The following VSX2 variants were observed in gnomAD, a reference collection of about 807,000 sequenced individuals.
VSX2 encodes visual system homeobox 2.
In VSX2, 28 loss-of-function variants were observed where a neutral mutation model predicts 32.1. That is an observed-to-expected ratio of 0.87 (90% CI 0.65 to 1.20). The LOEUF (loss-of-function observed/expected upper bound fraction) is 1.20. Among genes scored for constraint, VSX2 ranks in the 50% most tolerant of loss-of-function variants. The pLI is 0.00. For missense variants in VSX2, 506 were observed against 488.7 expected, an observed-to-expected ratio of 1.04 and a Z score of -0.33; for synonymous variants, 243 against 214.1, an observed-to-expected ratio of 1.14 and a Z score of -1.18.
intron 3 of VSX2, among the ~76,000 whole-genome samples, chr14:74,258,107 A>G (rs1171509093): frequency 6.6e-6 from 1 of 151,850 alleles, no homozygotes; most frequent in Non-Finnish European, 1.5e-5. Context: ...TTCCCCGTCT[A>G]ATTAGTTAAA....
Position 74,245,004 on chromosome 14 carries a change from GAGAC to G in VSX2, c.456-157_456-154del, listed in dbSNP as rs1183273792. On this transcript the variant is annotated intron_variant, in intron 2 of 4. Coordinates refer to ENST00000261980, the MANE Select transcript of VSX2 (RefSeq NM_182894.3). ...TGTGAGAGAGAGAGAGAGAGAGAGA[GAGAC>G]AGAGAGAGAGAGAGAGAGAGAATTT... Among the ~76,000 whole-genome samples, 1,770 of 128,132 alleles carry G rather than the reference GAGAC, an allele frequency of 0.014. 63 individuals carry two copies. Among genetic ancestry groups the G allele is most frequent in the Non-Finnish European group, 0.017 (979 of 58,938 alleles). 84.1% of individuals were successfully genotyped at this position (128,132 alleles called of 152,430 possible).
At chr14:74,245,095 G>A (rs1364890445) in intron 2 of VSX2, 70 bp from the exon 3 acceptor site, 12 of 1,604,222 alleles carry the variant, frequency 7.5e-6, no homozygotes, top group East Asian at 4.5e-5. Flanking sequence ...AGAGGAAGGC[G>A]GTTCTGTCTT....
At chr14:74,251,538 G>T (rs759644800) in intron 3 of VSX2, among the ~76,000 whole-genome samples, 40 of 152,234 alleles carry the variant, frequency 2.6e-4, no homozygotes, top group Non-Finnish European at 2.6e-4. Context: ...GATTCTGTGT[G>T]CAGTGAATGT....
At position 74,260,765 on chromosome 14, in the gene VSX2, C is replaced by T. The variant is rs2079300961; in HGVS notation, c.932C>T (p.Ala311Val). 1.3e-6 allele frequency: 2 copies of T among 1,586,452 alleles called. No homozygotes were observed. Among genetic ancestry groups the T allele is most frequent in the Non-Finnish European group, 1.7e-6 (2 of 1,166,586 alleles). ...GAGAACAGCATTGCGGTGCTCCGGGCCAAAGCTCAGGAGCACAGCACCAAA... is the reference window on the plus strand; with the variant it reads ...GAGAACAGCATTGCGGTGCTCCGGGTCAAAGCTCAGGAGCACAGCACCAAA... ...LRENSIAVLR[A>V]KAQEHSTKVL... The change falls in exon 5 of 5, where the codon GCC becomes GTC. Residue 311 changes from alanine (A) to valine (V), a missense_variant. Transcript: ENST00000261980.
At chr14:74,240,751 C>T (rs1030672180) in intron 1 of VSX2, among the ~76,000 whole-genome samples, 1 of 152,218 alleles carries the variant, frequency 6.6e-6, no homozygotes, top group Admixed American at 6.5e-5. Context: ...TGCTCGGCAG[C>T]CCCCAGTCTT....
At chr14:74,253,328 G>A (rs1380952181) in intron 3 of VSX2, among the ~76,000 whole-genome samples, 1 of 152,146 alleles carries the variant, frequency 6.6e-6, no homozygotes, top group African/African-American at 2.4e-5. Context: ...AGTGAGAGAG[G>A]GATCAAAGGA....
At chr14:74,252,644 C>T (rs2079237495) in intron 3 of VSX2, among the ~76,000 whole-genome samples, 1 of 151,938 alleles carries the variant, frequency 6.6e-6, no homozygotes, top group Non-Finnish European at 1.5e-5. Context: ...CCGACTCGGC[C>T]TCCAAAAGTG....
intron 3 of VSX2, among the ~76,000 whole-genome samples, chr14:74,251,612 G>A (rs2079229586): frequency 6.6e-6 from 1 of 152,176 alleles, no homozygotes; most frequent in African/African-American, 2.4e-5. Context: ...AATATGAGTG[G>A]AAGAAAGTGG....
rs5809656 is a variant in VSX2 at position 74,242,617 on chromosome 14, C to CTT, written c.455+1366_455+1367dup. On this transcript the variant is annotated intron_variant, in intron 2 of 4. Transcript: ENST00000261980. ...AATTTTTTTGGTCTTGATCTTTGGTCTTTTTTTTTTTTTTTTACATTCAAT... is the reference window on the plus strand; with the variant it reads ...AATTTTTTTGGTCTTGATCTTTGGTCTTTTTTTTTTTTTTTTTTACATTCAAT... Among the ~76,000 whole-genome samples the CTT allele has an allele frequency of 8.4e-3, 1,207 of 143,510 alleles. 8 individuals carry two copies. The highest frequency in any genetic ancestry group is 0.018 in the African/African-American group (712 of 38,846). 94.1% of individuals were successfully genotyped at this position (143,510 alleles called of 152,430 possible).
intron 3 of VSX2, among the ~76,000 whole-genome samples, chr14:74,255,028 C>T (rs1002601547): frequency 2.6e-5 from 4 of 152,048 alleles, no homozygotes; most frequent in African/African-American, 9.7e-5. Flanking sequence ...GATCCACCCA[C>T]CTCGGCCTCC....
In VSX2 at chr14:74,260,649, G is replaced by A; in HGVS notation, c.816G>A (p.Gly272=). 6.2e-7 allele frequency: 1 copy of A among 1,605,280 alleles called. No homozygotes were observed. The highest frequency in any genetic ancestry group is 8.5e-7 in the Non-Finnish European group (1 of 1,176,576). ...AAAESGRKPE[G]ERQALPKLDK... is the part of the protein sequence containing the mutation. ...CCGAGTCGGGGAGGAAGCCCGAGGG[G>A]GAACGCCAGGCCCTGCCCAAGCTCG... is the stretch of plus-strand genomic sequence containing the variant. The change falls in exon 5 of 5, where the codon GGG becomes GGA. Residue 272 remains glycine, a synonymous_variant. Coordinates refer to ENST00000261980, the MANE Select transcript of VSX2 (RefSeq NM_182894.3).
chr14:74,248,181 T>C (rs2079204853), intron 3 of VSX2, among the ~76,000 whole-genome samples: 1 of 151,960 alleles, frequency 6.6e-6, no homozygotes, highest in South Asian at 2.1e-4. Context: ...CAGAGGACTC[T>C]GCAGGTGAGA....
intron 3 of VSX2, among the ~76,000 whole-genome samples, chr14:74,253,971 C>T (rs80258392): frequency 0.019 from 2,956 of 152,146 alleles, 105 homozygotes; most frequent in African/African-American, 0.066. Context: ...GAAATGCACT[C>T]ATAGCCACAA....
At chr14:74,240,900 T>C (rs1056466759) in intron 1 of VSX2, among the ~76,000 whole-genome samples, 4 of 152,116 alleles carry the variant, frequency 2.6e-5, no homozygotes, top group Admixed American at 6.5e-5. Flanking sequence ...TGCGGCCCCC[T>C]AAGGCTGCCT....
At chr14:74,240,872 A>C (rs1314161946) in intron 1 of VSX2, among the ~76,000 whole-genome samples, 1 of 152,076 alleles carries the variant, frequency 6.6e-6, no homozygotes, top group East Asian at 1.9e-4. Flanking sequence ...CAGGGTCGCG[A>C]GCGCTGCCGG....
chr14:74,260,550 T>TTCTAAACCCGAATA, intron 4 of VSX2, 44 bp from the exon 5 acceptor site: 1 of 1,554,002 alleles, frequency 6.4e-7, no homozygotes, highest in Non-Finnish European at 8.7e-7. Flanking sequence ...AAGATGGCTT[T>TTCTAAACCCGAATA]CCCAGGCGCT....
At chr14:74,253,084 G>A (rs1029228363) in intron 3 of VSX2, among the ~76,000 whole-genome samples, 2 of 150,876 alleles carry the variant, frequency 1.3e-5, no homozygotes, top group African/African-American at 2.4e-5. Context: ...GAGAAACCCA[G>A]GGTCATTCCC....
At chr14:74,253,048 CAA>C (rs34396021) in intron 3 of VSX2, among the ~76,000 whole-genome samples, 1,485 of 95,392 alleles carry the variant, frequency 0.016, 21 homozygotes, top group African/African-American at 0.046. Context: ...GACTCCATCT[CAA>C]AAAAAAAAAA....
chr14:74,241,303 G>A, intron 2 of VSX2, 37 bp downstream of exon 2: 1 of 1,595,044 alleles, frequency 6.3e-7, no homozygotes, highest in Non-Finnish European at 8.6e-7. Context: ...TCCTGCCCGC[G>A]CACCCCGCTG....
Sources: gnomAD v4.1 joint callset for allele counts (sites outside exome capture counted in the v4.1 genomes callset) on GRCh38, gnomAD v4.1.1 for gene constraint, MANE v1.5 for transcripts, NCBI Gene and HGNC (gene_info 2026-07-23, HGNC 2026-07-21) for gene names.